GPM6A: variants seen among roughly 807,000 people sequenced by gnomAD.
The protein encoded by GPM6A is neuronal membrane glycoprotein M6-a.
Under a neutral mutation model 32.1 loss-of-function variants are expected in GPM6A, and 7 were observed. That is an observed-to-expected ratio of 0.22 (90% CI 0.12 to 0.41). The LOEUF (loss-of-function observed/expected upper bound fraction) is 0.41. Among genes scored for constraint, GPM6A ranks in the 10% least tolerant of loss-of-function variants. The probability of loss-of-function intolerance (pLI) is 1.00; values close to 1 mark genes in which losing one functional copy is unlikely to be tolerated. For missense variants in GPM6A, 235 were observed against 347.2 expected (o/e 0.68, Z 2.57); for synonymous variants, 130 against 123.4 (o/e 1.05, Z -0.35).
intron 1 of GPM6A, among the ~76,000 whole-genome samples, chr4:175,979,616 TA>T (rs1740765311): frequency 6.6e-6 from 1 of 151,896 alleles, no homozygotes; most frequent in Non-Finnish European, 1.5e-5. Flanking sequence ...AAAATACATA[TA>T]AAAAAACTTT....
chr4:175,931,261 T>A (rs1013546667), intron 1 of GPM6A, among the ~76,000 whole-genome samples: 3 of 152,154 alleles, frequency 2.0e-5, no homozygotes, highest in African/African-American at 7.2e-5. Flanking sequence ...AAATAAATAT[T>A]AGATAAACCC....
At chr4:175,804,418 T>C (rs1734599440) in intron 1 of GPM6A, among the ~76,000 whole-genome samples, 1 of 152,160 alleles carries the variant, frequency 6.6e-6, no homozygotes, top group Non-Finnish European at 1.5e-5. Context: ...ACATGACAAT[T>C]CTTTTTTTCT....
At chr4:175,881,558 G>A (rs1188878675) in intron 1 of GPM6A, among the ~76,000 whole-genome samples, 8 of 152,034 alleles carry the variant, frequency 5.3e-5, no homozygotes, top group South Asian at 2.1e-4. Context: ...TATTTATTGC[G>A]GCACTACTCA....
intron 1 of GPM6A, among the ~76,000 whole-genome samples, chr4:175,862,084 T>C (rs1273096867): frequency 1.3e-5 from 2 of 152,218 alleles, no homozygotes; most frequent in South Asian, 2.1e-4. Flanking sequence ...CAAAGCATAG[T>C]TTTGTATTTA....
intron 1 of GPM6A, among the ~76,000 whole-genome samples, chr4:175,834,644 T>TAA (rs139627448): frequency 6.7e-6 from 1 of 148,522 alleles, no homozygotes; most frequent in African/African-American, 2.5e-5. Context: ...ACCAAGAATT[T>TAA]AAAAAAAAAA....
At chr4:175,790,040 G>A (rs13140287) in intron 1 of GPM6A, among the ~76,000 whole-genome samples, 77,530 of 152,054 alleles carry the variant, frequency 0.51, 21,773 homozygotes, top group East Asian at 0.88. Flanking sequence ...AATCAAAACC[G>A]TATTTCGTAA....
At chr4:175,834,921 T>TA (rs1260184767) in intron 1 of GPM6A, among the ~76,000 whole-genome samples, 1 of 152,206 alleles carries the variant, frequency 6.6e-6, no homozygotes, top group Non-Finnish European at 1.5e-5. Flanking sequence ...AGAGCTCCCT[T>TA]ACCAGCCACA....
At chr4:175,876,149 G>A (rs1481179014) in intron 1 of GPM6A, among the ~76,000 whole-genome samples, 1 of 152,074 alleles carries the variant, frequency 6.6e-6, no homozygotes, top group East Asian at 1.9e-4. Flanking sequence ...ATTCCTCTAT[G>A]TAGTTTGATT....
intron 1 of GPM6A, among the ~76,000 whole-genome samples, chr4:175,735,402 T>C (rs538430568): frequency 4.0e-4 from 61 of 152,210 alleles, no homozygotes; most frequent in Non-Finnish European, 6.6e-4. Context: ...GGTCCATTCT[T>C]AGTCTCTGAG....
At chr4:175,974,200 A>G (rs553422167) in intron 1 of GPM6A, among the ~76,000 whole-genome samples, 8 of 152,288 alleles carry the variant, frequency 5.3e-5, no homozygotes, top group African/African-American at 1.9e-4. Flanking sequence ...ACTGCACTCC[A>G]GCCTGGGAGA....
intron 1 of GPM6A, among the ~76,000 whole-genome samples, chr4:175,956,084 T>G (rs1314786098): frequency 6.6e-6 from 1 of 152,154 alleles, no homozygotes; most frequent in Non-Finnish European, 1.5e-5. Context: ...ATGGGCGCCA[T>G]AGTGCACGTG....
intron 1 of GPM6A, among the ~76,000 whole-genome samples, chr4:175,707,884 A>AT (rs567773633): frequency 2.6e-5 from 4 of 151,902 alleles, no homozygotes; most frequent in South Asian, 2.1e-4. Flanking sequence ...TGGTAAAATA[A>AT]TTTTTTTTCT....
chr4:175,896,952 A>G (rs1037763482), intron 1 of GPM6A, among the ~76,000 whole-genome samples: 1 of 152,148 alleles, frequency 6.6e-6, no homozygotes, highest in Non-Finnish European at 1.5e-5. Flanking sequence ...ATATTCACTG[A>G]AAATGTTTAA....
intron 1 of GPM6A, among the ~76,000 whole-genome samples, chr4:175,836,762 T>C (rs1198737871): frequency 6.6e-6 from 1 of 151,676 alleles, no homozygotes; most frequent in Non-Finnish European, 1.5e-5. Context: ...GACAATGGGG[T>C]ATATTATGTC....
chr4:175,711,409 A>AATATATATATATATATAT (rs36105210), intron 1 of GPM6A, among the ~76,000 whole-genome samples: 1 of 53,308 alleles, frequency 1.9e-5, no homozygotes, highest in Admixed American at 2.8e-4. Context: ...TGGCACACCA[A>AATATATATATATATATAT]ATATATATAT....
At chr4:175,737,522 T>G (rs896425474) in intron 1 of GPM6A, among the ~76,000 whole-genome samples, 3 of 152,146 alleles carry the variant, frequency 2.0e-5, no homozygotes, top group Non-Finnish European at 2.9e-5. Flanking sequence ...TTACTTTAGA[T>G]AATTTATTCC....
At chr4:175,988,372 T>C (rs1215416336) in intron 1 of GPM6A, among the ~76,000 whole-genome samples, 1 of 152,182 alleles carries the variant, frequency 6.6e-6, no homozygotes, top group Non-Finnish European at 1.5e-5. Flanking sequence ...AGCTTACTTG[T>C]TCAGAAATGA....
intron 1 of GPM6A, among the ~76,000 whole-genome samples, chr4:175,735,841 TG>T (rs1731638362): frequency 6.6e-6 from 1 of 152,152 alleles, no homozygotes; most frequent in Admixed American, 6.5e-5. Flanking sequence ...ATTACAGGTG[TG>T]AACCACTGCC....
At chr4:175,851,874 C>T (rs1196668118) in intron 1 of GPM6A, among the ~76,000 whole-genome samples, 1 of 152,036 alleles carries the variant, frequency 6.6e-6, no homozygotes, top group African/African-American at 2.4e-5. Context: ...CCAGTAAAAC[C>T]TGTTTTATGC....
Sources: gnomAD v4.1 joint callset for allele counts (sites outside exome capture counted in the v4.1 genomes callset) on GRCh38, gnomAD v4.1.1 for gene constraint, MANE v1.5 for transcripts, NCBI Gene and HGNC (gene_info 2026-07-23, HGNC 2026-07-21) for gene names.